GPR107: variants seen among roughly 807,000 people sequenced by gnomAD.
The protein encoded by GPR107 is G protein-coupled receptor 107, also known as protein GPR107.
GPR107 carries 31 observed loss-of-function variants against 75.5 expected under a neutral mutation model. The ratio of observed to expected loss-of-function variants is 0.41; its 90% CI spans 0.31 to 0.55. The LOEUF (loss-of-function observed/expected upper bound fraction) is 0.55. Among genes scored for constraint, GPR107 ranks in the 20% least tolerant of loss-of-function variants. The pLI, the probability that GPR107 is intolerant of heterozygous loss-of-function variation, is 0.26. For missense variants in GPR107, 572 were observed against 665.7 expected (o/e 0.86, Z 1.55); for synonymous variants, 267 against 251.3 (o/e 1.06, Z -0.59).
At chr9:130,083,393 G>A (rs921515231) in intron 5 of GPR107, 172 bp from the exon 6 acceptor site, 5 of 398,370 alleles carry the variant, frequency 1.3e-5, no homozygotes, top group East Asian at 3.7e-5. Context: ...TTGCTGCTTC[G>A]ACAGTACAAG....
chr9:130,104,078 C>T (rs1182834240), intron 12 of GPR107, among the ~76,000 whole-genome samples: 2 of 152,126 alleles, frequency 1.3e-5, no homozygotes, highest in Non-Finnish European at 2.9e-5. Flanking sequence ...GTCTGTACAG[C>T]AGGGTAGTTT....
At chr9:130,108,398 A>G (rs1018132395) in intron 14 of GPR107, among the ~76,000 whole-genome samples, 1 of 152,250 alleles carries the variant, frequency 6.6e-6, no homozygotes, top group African/African-American at 2.4e-5. Flanking sequence ...AATGCATAGT[A>G]GCTGTAAATC....
chr9:130,086,209 A>G (rs1054567622), intron 6 of GPR107, among the ~76,000 whole-genome samples: 3 of 152,214 alleles, frequency 2.0e-5, no homozygotes, highest in Non-Finnish European at 1.5e-5. Context: ...GTGCAGAGGC[A>G]GAAGAGACAG....
intron 9 of GPR107, among the ~76,000 whole-genome samples, chr9:130,096,572 A>G (rs2132600828): frequency 6.6e-6 from 1 of 150,886 alleles, no homozygotes; most frequent in Admixed American, 6.6e-5. Flanking sequence ...GGGTCAAGCA[A>G]TTCTCGTGCT....
At position 130,076,056 on chromosome 9, in the gene GPR107, A is replaced by C. The variant is rs899248155; in HGVS notation, c.255+307A>C. 2.0e-5 allele frequency among the ~76,000 whole-genome samples: 3 copies of C among 152,072 alleles called. No homozygotes were observed. The East Asian group carries it at 5.8e-4, about 29-fold the overall frequency. On this transcript the variant is annotated intron_variant, in intron 2 of 17. Coordinates refer to ENST00000347136, the MANE Select transcript of GPR107 (RefSeq NM_020960.5). The stretch of plus-strand genomic sequence containing the variant: ...TGGCCTCCCAAAGTGCTGGGATTAC[A>C]GGTGTGAGCCACTGCGCCCAGCCCA...
rs13297928 is a variant in GPR107, at chr9:130,112,238, G to A, written c.1306+4699G>A. Among the ~76,000 whole-genome samples the A allele has an allele frequency of 0.033, 4,974 of 152,338 alleles. 112 individuals carry two copies. Among genetic ancestry groups the A allele is most frequent in the Middle Eastern group, 0.054 (16 of 294 alleles). On this transcript the variant is annotated intron_variant, in intron 14 of 17. Transcript: ENST00000347136. This position sits in a 1 kb window ranked among gnomAD's most constrained non-coding sequence, Gnocchi z 4.0. ...TTTAAACAATCCCGGTTGGCTGGCT[G>A]CAGAGTTGATGGAGGAACGGCTTCA...
At chr9:130,121,218 A>C (rs1255918423) in intron 14 of GPR107, among the ~76,000 whole-genome samples, 1 of 148,622 alleles carries the variant, frequency 6.7e-6, no homozygotes, top group South Asian at 2.1e-4. Context: ...AAAACAAAAC[A>C]AAACCCTTCA....
chr9:130,085,754 A>ATTTTTTTTTTTTTTTTTTTTTTTTTT (rs71387311), intron 6 of GPR107, among the ~76,000 whole-genome samples: 1,525 of 78,510 alleles, frequency 0.019, 356 homozygotes, highest in East Asian at 0.032. Flanking sequence ...CAATATTTTG[A>ATTTTTTTTTTTTTTTTTTTTTTTTTT]TTTTTTTTTT....
chr9:130,086,480 T>G lies in GPR107; in HGVS notation c.621+4T>G. ...TGGTGGGGCAGTGTCATTTCAGGTA[T>G]GTATGCTCTTTGTGTAAAGCCTCCT... On this transcript the variant is annotated splice_donor_region_variant and intron_variant, in intron 7 of 17. Coordinates refer to ENST00000347136, the MANE Select transcript of GPR107 (RefSeq NM_020960.5). The G allele has an allele frequency of 6.7e-7, 1 of 1,493,566 alleles. No homozygotes were observed. Among genetic ancestry groups the G allele is most frequent in the Non-Finnish European group, 9.3e-7 (1 of 1,070,728 alleles). The allele number at this position is 1,493,566 out of a possible 1,614,324, so 92.5% of individuals were successfully genotyped here. A position where few individuals can be genotyped will look rare whatever the true frequency, so the allele number is the denominator to read the frequency against.
At chr9:130,130,008 C>T (rs1186601728) in intron 17 of GPR107, 1 of 152,338 alleles carries the variant, frequency 6.6e-6, no homozygotes. Context: ...TTCGTGGCAA[C>T]AATTTTTTTA....
In GPR107 at chr9:130,103,166, G is replaced by A. The variant is rs886796309; in HGVS notation, c.1132-1254G>A. Among the ~76,000 whole-genome samples the A allele has an allele frequency of 6.6e-6, 1 of 152,118 alleles. No homozygotes were observed. Among genetic ancestry groups the A allele is most frequent in the South Asian group, 2.1e-4 (1 of 4,824 alleles). ...AGGGCTTCACGAGCAGTGTGGGACA[G>A]GGAAGGACCCAGAAGCTGGGGGTCA... On this transcript the variant is annotated intron_variant, in intron 12 of 17. Transcript: ENST00000347136. The surrounding 1 kb of genome is among the most constrained non-coding windows in gnomAD (Gnocchi z 4.3).
rs548340190 is a variant in GPR107, at chr9:130,112,297, C to T, written c.1306+4758C>T. Among the ~76,000 whole-genome samples, 5 of 152,326 alleles carry T rather than the reference C, an allele frequency of 3.3e-5. No individual in the cohort carries two copies. The East Asian group carries it at 9.6e-4, about 29-fold the overall frequency. ...TGCCGCCGTGCTCTGAAAGGAGCCG[C>T]GACCATGCGAGGCATTTGTTAGGGC... On this transcript the variant is annotated intron_variant, in intron 14 of 17. Coordinates refer to ENST00000347136, the MANE Select transcript of GPR107 (RefSeq NM_020960.5). The surrounding 1 kb of genome is among the most constrained non-coding windows in gnomAD (Gnocchi z 4.0).
chr9:130,072,092 C>T (rs963014556), intron 1 of GPR107, among the ~76,000 whole-genome samples: 2 of 151,116 alleles, frequency 1.3e-5, no homozygotes, highest in African/African-American at 4.9e-5. Context: ...CCTCAGCCTA[C>T]CAAGTAGCTG....
At chr9:130,100,544 T>A in intron 10 of GPR107, 85 bp from the exon 11 acceptor site, 1 of 983,812 alleles carries the variant, frequency 1.0e-6, no homozygotes, top group Non-Finnish European at 1.6e-6. Flanking sequence ...ATTTGGATAA[T>A]TTCCCAAATG....
intron 1 of GPR107, among the ~76,000 whole-genome samples, chr9:130,063,166 G>A (rs1049732610): frequency 2.0e-5 from 3 of 151,974 alleles, no homozygotes; most frequent in Non-Finnish European, 4.4e-5. Flanking sequence ...CTGCTCTTTA[G>A]CATGTGTGTA....
intron 17 of GPR107, among the ~76,000 whole-genome samples, chr9:130,130,866 G>A (rs746521736): frequency 3.6e-4 from 34 of 93,936 alleles, no homozygotes; most frequent in Non-Finnish European, 2.8e-4. Flanking sequence ...GTGAAACTCC[G>A]TCTCAAAAAA....
intron 11 of GPR107, 73 bp downstream of exon 11, chr9:130,100,775 C>T: frequency 9.4e-7 from 1 of 1,067,566 alleles, no homozygotes; most frequent in Non-Finnish European, 1.5e-6. Context: ...AACAACCTGC[C>T]CCAAGTTAAC....
intron 14 of GPR107, among the ~76,000 whole-genome samples, chr9:130,115,088 T>C (rs1014975056): frequency 1.3e-5 from 2 of 152,214 alleles, no homozygotes; most frequent in Non-Finnish European, 1.5e-5. Flanking sequence ...TGTTTATATA[T>C]TTAATTCTTA....
chr9:130,076,463 G>T lies in GPR107; in HGVS notation c.306+1G>T. 6.4e-7 allele frequency: 1 copy of T among 1,560,284 alleles called. No homozygotes were observed. The highest frequency in any genetic ancestry group is 8.8e-7 in the Non-Finnish European group (1 of 1,130,870). The stretch of plus-strand genomic sequence containing the variant: ...GAATGATGGCTTTTCTTCTTACCTG[G>T]TGAGTATTAAATGTGTGACCTGATT... On this transcript the variant is annotated splice_donor_variant, in intron 3 of 17. Transcript: ENST00000347136. LOFTEE classifies it high-confidence loss of function.
Sources: gnomAD v4.1 joint callset for allele counts (sites outside exome capture counted in the v4.1 genomes callset) on GRCh38, gnomAD v4.1.1 for gene constraint, Gnocchi (gnomAD v3.1) non-coding constraint, MANE v1.5 for transcripts, NCBI Gene and HGNC (gene_info 2026-07-23, HGNC 2026-07-21) for gene names.